L1TD1: variants seen among roughly 807,000 people sequenced by gnomAD.
L1TD1 encodes the protein LINE-1 type transposase domain-containing protein 1.
Under a neutral mutation model 25.7 loss-of-function variants are expected in L1TD1, and 26 were observed. That is an observed-to-expected ratio of 1.01 (90% CI 0.74 to 1.40). The LOEUF is 1.40. Ranked by LOEUF, L1TD1 falls within the 40% of genes most tolerant of loss-of-function variation. The pLI is 0.00. For missense variants in L1TD1, 1,130 were observed against 975.0 expected (o/e 1.16, Z -2.12); for synonymous variants, 421 against 335.6 (o/e 1.25, Z -2.78).
At position 62,210,454 on chromosome 1, in the gene L1TD1, G is replaced by A. The variant is rs1204272538; in HGVS notation, c.1680G>A (p.Lys560=). 1 of 1,614,010 alleles carries A rather than the reference G, an allele frequency of 6.2e-7. No individual in the cohort carries two copies. Among genetic ancestry groups the A allele is most frequent in the East Asian group, 2.2e-5 (1 of 44,880 alleles). ...CLTLCLASPS[K]SLEMSHDEHK... ...CCTTATGTTTGGCCTCTCCCTCAAA[G>A]TCACTAGAGATGAGTCATGATGAGC... Residue 560 remains lysine (K), a synonymous_variant, in exon 4 of 4, where the codon AAG becomes AAA. Transcript: ENST00000498273.
Position 62,206,591 on chromosome 1 carries a change from A to T in L1TD1, c.-38A>T. 1.4e-6 allele frequency: 2 copies of T among 1,411,718 alleles called. No individual in the cohort carries two copies. The highest frequency in any genetic ancestry group is 1.9e-6 in the Non-Finnish European group (2 of 1,080,536). 87.4% of individuals were successfully genotyped at this position (1,411,718 alleles called of 1,614,324 possible). On this transcript the variant is annotated 5_prime_UTR_variant, in exon 3 of 4. Transcript: ENST00000498273. ...GTAAGAACAAAAATCATTCTGTAGG[A>T]ATTAAAAACAGAATCCAGTCTTGAC...
In L1TD1 at chr1:62,198,812, T is replaced by G. The variant is rs371349810; in HGVS notation, c.-111+2284T>G. Among the ~76,000 whole-genome samples, 59 of 151,966 alleles carry G rather than the reference T, an allele frequency of 3.9e-4. No homozygotes were observed. In the East Asian group the frequency reaches 5.2e-3, roughly 13 times the overall value. Reference sequence around the variant, plus strand: ...TAAAATACAAAGCAGAACTTGGGAGTACACTGGTGAAAATCTCCGGTCTCC... The same window carrying G: ...TAAAATACAAAGCAGAACTTGGGAGGACACTGGTGAAAATCTCCGGTCTCC... On this transcript the variant is annotated intron_variant, in intron 2 of 3. Transcript: ENST00000498273.
intron 2 of L1TD1, among the ~76,000 whole-genome samples, chr1:62,200,580 A>G (rs1288950537): frequency 6.6e-6 from 1 of 152,000 alleles, no homozygotes; most frequent in Admixed American, 6.6e-5. Context: ...CATTTGTTCC[A>G]CCCTTCTCTT....
Position 62,207,439 on chromosome 1 carries a change from G to A in L1TD1, c.811G>A (p.Asp271Asn). The part of the protein sequence containing the change: ...SNVFNILREN[D>N]FEPKFLCEVK... Reference sequence around the variant, plus strand: ...TGTCTTCAACATTCTGAGAGAAAATGATTTTGAACCTAAATTTCTGTGTGA... The same window carrying A: ...TGTCTTCAACATTCTGAGAGAAAATAATTTTGAACCTAAATTTCTGTGTGA... The change falls in exon 3 of 4, where the codon GAT becomes AAT. Residue 271 changes from aspartate to asparagine, a missense_variant. Physicochemically the swap from Asp to Asn is conservative, Grantham distance 23. Transcript: ENST00000498273. 6.4e-7 allele frequency: 1 copy of A among 1,550,788 alleles called. No individual in the cohort carries two copies. The highest frequency in any genetic ancestry group is 8.7e-7 in the Non-Finnish European group (1 of 1,146,624).
At position 62,211,081 on chromosome 1, in the gene L1TD1, TAAAGAG is replaced by T. The variant is rs1224900458; in HGVS notation, c.2311_2316del (p.Glu771_Lys772del). On this transcript the variant is annotated inframe_deletion, in exon 4 of 4. Coordinates refer to ENST00000498273, the MANE Select transcript of L1TD1 (RefSeq NM_019079.5). Reference sequence around the variant, plus strand: ...TGGTGAAATTTTGGAATTCTAGTGATAAAGAGAAAATAATAAGGGCTTCTAGAGAGA... The same window carrying T: ...TGGTGAAATTTTGGAATTCTAGTGATAAAATAATAAGGGCTTCTAGAGAGA... The T allele has an allele frequency of 1.4e-5, 21 of 1,550,354 alleles. No homozygotes were observed. The East Asian group carries it at 2.7e-4, about 20-fold the overall frequency.
At chr1:62,202,698 CAG>C (rs1670666297) in intron 2 of L1TD1, among the ~76,000 whole-genome samples, 1 of 96,148 alleles carries the variant, frequency 1.0e-5, no homozygotes, top group Non-Finnish European at 1.9e-5. Flanking sequence ...TTTTTTGAGA[CAG>C]AGTCTTGCTC....
In L1TD1 at chr1:62,207,624, T is replaced by A. The variant is rs1557445540; in HGVS notation, c.996T>A (p.Ile332=). The change falls in exon 3 of 4, where the codon ATT becomes ATA. Residue 332 remains isoleucine (I), a synonymous_variant. Coordinates refer to ENST00000498273, the MANE Select transcript of L1TD1 (RefSeq NM_019079.5). ...EINQGGRKYG[I]QEKRDKTLID... The stretch of plus-strand genomic sequence containing the variant: ...ATCAAGGAGGAAGAAAATATGGAAT[T>A]CAAGAAAAAAGGGTAAGCATACAAA... 1.0e-5 allele frequency: 16 copies of A among 1,526,192 alleles called. No homozygotes were observed. The highest frequency in any genetic ancestry group is 1.7e-4 in the Middle Eastern group (1 of 5,804). 94.5% of individuals were successfully genotyped at this position (1,526,192 alleles called of 1,614,324 possible).
chr1:62,202,152 TAGCC>T (rs1670650368), intron 2 of L1TD1, among the ~76,000 whole-genome samples: 1 of 152,102 alleles, frequency 6.6e-6, no homozygotes, highest in Admixed American at 6.5e-5. Context: ...AGTACAAAAT[TAGCC>T]AGGCGTGGTG....
rs533855989 is a variant in L1TD1 at position 62,209,480 on chromosome 1, G to T, written c.1009-303G>T. Among the ~76,000 whole-genome samples the T allele has an allele frequency of 9.9e-5, 15 of 152,084 alleles. No homozygotes were observed. In the South Asian group the frequency reaches 3.1e-3, roughly 32 times the overall value. On this transcript the variant is annotated intron_variant, in intron 3 of 3. Transcript: ENST00000498273. ...ATTGATTAAAATAGGTAATTACTGA[G>T]GATCAATCACATACACAGCAGTAAG...
At chr1:62,196,771 T>G (rs1190021616) in intron 2 of L1TD1, among the ~76,000 whole-genome samples, 1 of 152,086 alleles carries the variant, frequency 6.6e-6, no homozygotes, top group East Asian at 1.9e-4. Flanking sequence ...TTTTGTATTT[T>G]TAGTAGAGAC....
chr1:62,203,572 G>T (rs960000595), intron 2 of L1TD1, among the ~76,000 whole-genome samples: 3 of 151,578 alleles, frequency 2.0e-5, no homozygotes, highest in African/African-American at 7.3e-5. Context: ...GTGCCACCAC[G>T]TCTGGCTAAT....
chr1:62,197,397 T>TTATA (rs10528649), intron 2 of L1TD1, among the ~76,000 whole-genome samples: 818 of 80,556 alleles, frequency 0.01, 10 homozygotes, highest in African/African-American at 0.019. Context: ...AAAAAATAAA[T>TTATA]TATATATATA....
At chr1:62,204,595 C>T (rs1024428370) in intron 2 of L1TD1, among the ~76,000 whole-genome samples, 4 of 152,064 alleles carry the variant, frequency 2.6e-5, no homozygotes, top group Admixed American at 1.3e-4. Flanking sequence ...TTAGAAACAG[C>T]GTCTCACTAT....
intron 2 of L1TD1, among the ~76,000 whole-genome samples, chr1:62,205,437 A>ATTTTTTTTTTTTTTT (rs1169759217): frequency 6.1e-4 from 26 of 42,438 alleles, no homozygotes; most frequent in South Asian, 8.4e-4. Flanking sequence ...ATATATATAT[A>ATTTTTTTTTTTTTTT]TATATATTTT....
At position 62,202,056 on chromosome 1, in the gene L1TD1, TTTGGGAGGCCGAGGTGGG is replaced by T. The variant is rs1395369495; in HGVS notation, c.-110-4461_-110-4444del. Among the ~76,000 whole-genome samples the T allele has an allele frequency of 3.9e-5, 6 of 152,272 alleles. No individual in the cohort carries two copies. The East Asian group carries it at 9.6e-4, about 24-fold the overall frequency. ...TGGCTCACGCCTGTAATCCCAGCAC[TTTGGGAGGCCGAGGTGGG>T]TGGATCACCTGAGGTTGGGAGTTCG... On this transcript the variant is annotated intron_variant, in intron 2 of 3. Transcript: ENST00000498273.
chr1:62,209,289 C>CTTTTTTTT (rs376933477), intron 3 of L1TD1, among the ~76,000 whole-genome samples: 4 of 131,810 alleles, frequency 3.0e-5, no homozygotes, highest in Non-Finnish European at 6.3e-5. Context: ...CAATTGGGGT[C>CTTTTTTTT]TTTTTTTTTT....
At chr1:62,201,886 T>C (rs550851015) in intron 2 of L1TD1, among the ~76,000 whole-genome samples, 4 of 152,328 alleles carry the variant, frequency 2.6e-5, no homozygotes, top group Non-Finnish European at 5.9e-5. Flanking sequence ...TGGGCCCCTT[T>C]ATTCCTGTTG....
At chr1:62,208,920 A>C (rs116548416) in intron 3 of L1TD1, among the ~76,000 whole-genome samples, 240 of 152,338 alleles carry the variant, frequency 1.6e-3, no homozygotes, top group Middle Eastern at 6.8e-3. Flanking sequence ...CAAATTATTT[A>C]AGAATCAGTA....
At chr1:62,196,121 A>G (rs1268705714) in intron 1 of L1TD1, among the ~76,000 whole-genome samples, 4 of 152,144 alleles carry the variant, frequency 2.6e-5, no homozygotes, top group African/African-American at 9.7e-5. Flanking sequence ...ATTTCCTCCG[A>G]TTGTTAGGCA....
Sources: gnomAD v4.1 joint callset for allele counts (sites outside exome capture counted in the v4.1 genomes callset) on GRCh38, gnomAD v4.1.1 for gene constraint, MANE v1.5 for transcripts, NCBI Gene and HGNC (gene_info 2026-07-23, HGNC 2026-07-21) for gene names.